Variants in LRIG1 observed in about 807,000 individuals in gnomAD.
LRIG1 encodes leucine rich repeats and immunoglobulin like domains 1, also known as leucine-rich repeats and immunoglobulin-like domains protein 1.
LRIG1 carries 48 observed loss-of-function variants against 99.2 expected under a neutral mutation model. The observed-to-expected ratio is 0.48, with a 90% CI of 0.38 to 0.62. The LOEUF (loss-of-function observed/expected upper bound fraction) is 0.62, where lower values mean the gene tolerates loss of function less well. Among genes scored for constraint, LRIG1 ranks in the 20% least tolerant of loss-of-function variants. LRIG1 has a pLI of 0.00. For synonymous variants in LRIG1, 772 were observed against 596.1 expected (o/e 1.29, Z -4.30); for missense variants, 1,646 against 1,434.4 (o/e 1.15, Z -2.38).
chr3:66,438,509 G>A (rs866189567), intron 3 of LRIG1, among the ~76,000 whole-genome samples: 3 of 152,054 alleles, frequency 2.0e-5, no homozygotes, highest in Admixed American at 6.5e-5. Flanking sequence ...TTTGTGAAAC[G>A]TCCTATAATG....
At chr3:66,429,781 A>AGGGT (rs1491384385) in intron 3 of LRIG1, among the ~76,000 whole-genome samples, 3 of 141,944 alleles carry the variant, frequency 2.1e-5, no homozygotes, top group African/African-American at 8.7e-5. Flanking sequence ...TAGGGGAAAC[A>AGGGT]GGGTGGGTGT....
Position 66,410,037 on chromosome 3 carries a change from G to C in LRIG1, c.935+92C>G. 2.2e-6 allele frequency: 3 copies of C among 1,363,834 alleles called. No homozygotes were observed. In the South Asian group the frequency reaches 4.2e-5, roughly 19 times the overall value. 84.5% of individuals were successfully genotyped at this position (1,363,834 alleles called of 1,614,324 possible). A position where few individuals can be genotyped will look rare whatever the true frequency, so the allele number is the denominator to read the frequency against. ...GGCCTGTCTCTGAGCCCTCCCCGAG[G>C]CCACTGTGTGGTGGAACGAACCAGG... is the stretch of plus-strand genomic sequence containing the variant. On this transcript the variant is annotated intron_variant, in intron 7 of 18. Transcript: ENST00000273261.
intron 12 of LRIG1, among the ~76,000 whole-genome samples, chr3:66,391,572 A>G (rs986281353): frequency 6.6e-6 from 1 of 152,214 alleles, no homozygotes; most frequent in Non-Finnish European, 1.5e-5. Flanking sequence ...GAATAGGCAA[A>G]TGATGGAGAC....
chr3:66,422,492 C>T (rs574041365), intron 3 of LRIG1, among the ~76,000 whole-genome samples: 1 of 152,212 alleles, frequency 6.6e-6, no homozygotes, highest in Non-Finnish European at 1.5e-5. Context: ...TAAAGCATAA[C>T]AAGAGTCACC....
In LRIG1 at chr3:66,379,603, T is replaced by TACAG. The variant is rs372542815; in HGVS notation, c.*656_*659dup. On this transcript the variant is annotated 3_prime_UTR_variant, in exon 19 of 19. Coordinates refer to ENST00000273261, the MANE Select transcript of LRIG1 (RefSeq NM_015541.3). Reference sequence around the variant, plus strand: ...TTACAGACGGACAGATTCTACGCCTTACAGACAGACAGGACTTAAACCTAA... The same window carrying TACAG: ...TTACAGACGGACAGATTCTACGCCTTACAGACAGACAGACAGGACTTAAACCTAA... The TACAG allele has an allele frequency of 3.3e-5, 5 of 152,082 alleles. No individual in the cohort carries two copies. Among genetic ancestry groups the TACAG allele is most frequent in the South Asian group, 4.2e-4 (2 of 4,814 alleles). The allele number at this position is 152,082 out of a possible 1,614,324, so 9.4% of individuals were successfully genotyped here. A position where few individuals can be genotyped will look rare whatever the true frequency, so the allele number is the denominator to read the frequency against.
Position 66,394,071 on chromosome 3 carries a change from A to G in LRIG1, c.1437T>C (p.Ile479=), listed in dbSNP as rs753330804. The G allele has an allele frequency of 1.9e-6, 3 of 1,614,102 alleles. No individual in the cohort carries two copies. In the East Asian group the frequency reaches 6.7e-5, roughly 36 times the overall value. The change falls in exon 12 of 19, where the codon ATT becomes ATC. Residue 479 remains isoleucine (I), a synonymous_variant. Coordinates refer to ENST00000273261, the MANE Select transcript of LRIG1 (RefSeq NM_015541.3). ...CGAAACTCTCTGGTGGCACAGAGAAAATGCTCTGACCCTTCAGTGATTCTG... is the reference window on the plus strand; with the variant it reads ...CGAAACTCTCTGGTGGCACAGAGAAGATGCTCTGACCCTTCAGTGATTCTG... ...AHPESLKGQS[I]FSVPPESFVC... is the part of the protein sequence containing the mutation.
chr3:66,423,819 T>A (rs1207432908), intron 3 of LRIG1, among the ~76,000 whole-genome samples: 1 of 152,152 alleles, frequency 6.6e-6, no homozygotes, highest in Non-Finnish European at 1.5e-5. Context: ...CTCTGTAAAG[T>A]GATGTGTGAA....
At chr3:66,448,647 T>C (rs930998326) in intron 3 of LRIG1, among the ~76,000 whole-genome samples, 2 of 152,210 alleles carry the variant, frequency 1.3e-5, no homozygotes, top group Non-Finnish European at 2.9e-5. Context: ...CACCTAGCCC[T>C]GACTTTTCTG....
intron 3 of LRIG1, among the ~76,000 whole-genome samples, chr3:66,421,829 C>G (rs933273830): frequency 1.3e-5 from 2 of 152,234 alleles, no homozygotes; most frequent in Non-Finnish European, 2.9e-5. Flanking sequence ...ATGAGGGCCC[C>G]GCCCCTGCAG....
chr3:66,410,528 G>A (rs1702431728), intron 6 of LRIG1, among the ~76,000 whole-genome samples: 1 of 152,248 alleles, frequency 6.6e-6, no homozygotes, highest in Non-Finnish European at 1.5e-5. Flanking sequence ...CTTCCTAGAA[G>A]TGACTTTTTT....
Position 66,380,918 on chromosome 3 carries a change from A to C in LRIG1, c.2771-57T>G. On this transcript the variant is annotated intron_variant, in intron 17 of 18. Transcript: ENST00000273261. ...CACTGCTGTGGGAGTCTTCGTCCCC[A>C]CACAGAGGACAGGCTGCTCAGCTCC... 3.8e-6 allele frequency: 6 copies of C among 1,563,986 alleles called. 1 individual carries two copies. The highest frequency in any genetic ancestry group is 5.2e-6 in the Non-Finnish European group (6 of 1,144,652).
In LRIG1 at chr3:66,451,573, G is replaced by A. The variant is rs1475726649; in HGVS notation, c.351C>T (p.Val117=). 1 of 1,613,908 alleles carries A rather than the reference G, an allele frequency of 6.2e-7. No individual in the cohort carries two copies. The highest frequency in any genetic ancestry group is 8.5e-7 in the Non-Finnish European group (1 of 1,179,948). Residue 117 remains valine, a synonymous_variant, in exon 3 of 19, where the codon GTC becomes GTT. Transcript: ENST00000273261. Reference sequence around the variant, plus strand: ...GCACCACTTACAGAAAGAGAGAGACGACATGTGATGAAGCAGCGCCCAGGG... The same window carrying A: ...GCACCACTTACAGAAAGAGAGAGACAACATGTGATGAAGCAGCGCCCAGGG... ...VPSLGAASSH[V]VSLFLQHNKI... is the part of the protein sequence containing the mutation.
At position 66,385,991 on chromosome 3, in the gene LRIG1, G is replaced by A. The variant is rs1247363850; in HGVS notation, c.1779C>T (p.Leu593=). Residue 593 remains leucine, a synonymous_variant, in exon 13 of 19, where the codon CTC becomes CTT. Transcript: ENST00000273261. ...ATGGTGTTTCCATACCATTCACGGT[G>A]AGCCTGGCCTTATGTGAATAGGTGG... ...FGSTYSHKAR[L]TVNVLPSFTK... The A allele has an allele frequency of 1.9e-6, 3 of 1,613,602 alleles. No individual in the cohort carries two copies. Among genetic ancestry groups the A allele is most frequent in the Non-Finnish European group, 2.5e-6 (3 of 1,179,684 alleles).
intron 3 of LRIG1, among the ~76,000 whole-genome samples, chr3:66,443,959 G>A (rs1193205232): frequency 1.3e-5 from 2 of 152,172 alleles, no homozygotes; most frequent in Non-Finnish European, 2.9e-5. Context: ...GGGGACCCCA[G>A]TAGGGTGGGG....
Position 66,383,363 on chromosome 3 carries a change from C to T in LRIG1, c.2110G>A (p.Val704Ile), listed in dbSNP as rs770909613. The T allele has an allele frequency of 1.3e-6, 2 of 1,578,640 alleles. No individual in the cohort carries two copies. Among genetic ancestry groups the T allele is most frequent in the Non-Finnish European group, 1.7e-6 (2 of 1,157,370 alleles). ...SLVVPLEDRVVSVGETVALQC... is the reference protein window; with the variant it reads ...SLVVPLEDRVISVGETVALQC... ...AGGGCCACTGTTTCTCCCACAGATA[C>T]CACACGGTCTTCCAAGGGGACCACC... is the stretch of plus-strand genomic sequence containing the variant. The change falls in exon 15 of 19, where the codon GTA becomes ATA. Residue 704 changes from valine (V) to isoleucine (I), a missense_variant. Coordinates refer to ENST00000273261, the MANE Select transcript of LRIG1 (RefSeq NM_015541.3).
At chr3:66,404,442 G>A (rs1702188375) in intron 9 of LRIG1, 2 of 1,159,308 alleles carry the variant, frequency 1.7e-6, no homozygotes, top group African/African-American at 1.6e-5. Flanking sequence ...CGGTCCTTGG[G>A]TGGCATCTGC....
At chr3:66,485,867 A>T (rs1700961351) in intron 1 of LRIG1, among the ~76,000 whole-genome samples, 1 of 152,224 alleles carries the variant, frequency 6.6e-6, no homozygotes, top group Non-Finnish European at 1.5e-5. Flanking sequence ...ATAGAGCACC[A>T]GCTGTACAGC....
At chr3:66,380,948 T>C (rs1375106707) in intron 17 of LRIG1, 87 bp from the exon 18 acceptor site, 15 of 1,404,486 alleles carry the variant, frequency 1.1e-5, no homozygotes, top group Non-Finnish European at 1.5e-5. Context: ...AGCTCCACTG[T>C]GCAAGGTGAG....
At chr3:66,458,652 AG>A (rs1194145954) in intron 2 of LRIG1, among the ~76,000 whole-genome samples, 1 of 152,156 alleles carries the variant, frequency 6.6e-6, no homozygotes, top group African/African-American at 2.4e-5. Context: ...CAATGAGCTG[AG>A]GTCACGCCAC....
Sources: gnomAD v4.1 joint callset for allele counts (sites outside exome capture counted in the v4.1 genomes callset) on GRCh38, gnomAD v4.1.1 for gene constraint, MANE v1.5 for transcripts, NCBI Gene and HGNC (gene_info 2026-07-23, HGNC 2026-07-21) for gene names.